The following GRAP2 variants were observed in gnomAD, a reference collection of about 807,000 sequenced individuals.
The protein encoded by GRAP2 is GRB2-related adapter protein 2.
GRAP2 carries 31 observed loss-of-function variants against 43.5 expected under a neutral mutation model. The observed-to-expected ratio is 0.71, with a 90% confidence interval of 0.54 to 0.96. The LOEUF (loss-of-function observed/expected upper bound fraction) is 0.96, where lower values mean the gene tolerates loss of function less well. Among genes scored for constraint, GRAP2 ranks in the 40% least tolerant of loss-of-function variants. The probability of loss-of-function intolerance (pLI) is 0.00; values close to 1 mark genes in which losing one functional copy is unlikely to be tolerated. For missense variants in GRAP2, 371 were observed against 424.4 expected (o/e 0.87, Z 1.11); for synonymous variants, 156 against 164.8 (o/e 0.95, Z 0.41).
At chr22:39,927,058 CT>C (rs1367219170) in intron 1 of GRAP2, among the ~76,000 whole-genome samples, 2 of 152,166 alleles carry the variant, frequency 1.3e-5, no homozygotes, top group Admixed American at 1.3e-4. Context: ...CAGAGAGAAA[CT>C]TGTCTCTTCT....
At chr22:39,932,166 A>G (rs567017533) in intron 1 of GRAP2, among the ~76,000 whole-genome samples, 1 of 152,310 alleles carries the variant, frequency 6.6e-6, no homozygotes, top group East Asian at 1.9e-4. Context: ...GAAAAGATCA[A>G]ACGAGTCCTT....
chr22:39,925,648 T>C (rs1426179455), intron 1 of GRAP2, among the ~76,000 whole-genome samples: 1 of 152,242 alleles, frequency 6.6e-6, no homozygotes, highest in Non-Finnish European at 1.5e-5. Flanking sequence ...GTCCAAATTC[T>C]GCTTTGAGGT....
intron 1 of GRAP2, among the ~76,000 whole-genome samples, chr22:39,911,512 T>C (rs2066566177): frequency 6.6e-6 from 1 of 152,018 alleles, no homozygotes; most frequent in Admixed American, 6.5e-5. Flanking sequence ...GCTTAGAAGT[T>C]CATAGATTTT....
At chr22:39,952,765 C>G (rs2066999803) in intron 2 of GRAP2, among the ~76,000 whole-genome samples, 1 of 152,194 alleles carries the variant, frequency 6.6e-6, no homozygotes, top group Non-Finnish European at 1.5e-5. Context: ...CTTCCATGTC[C>G]TATTCAGAGC....
chr22:39,940,733 T>C (rs151330750), intron 1 of GRAP2, among the ~76,000 whole-genome samples: 46 of 152,228 alleles, frequency 3.0e-4, no homozygotes, highest in African/African-American at 1.1e-3. Context: ...TCCAGGCTGC[T>C]CAGGAGGAAT....
chr22:39,938,683 G>A (rs767724320), intron 1 of GRAP2, among the ~76,000 whole-genome samples: 1 of 152,254 alleles, frequency 6.6e-6, no homozygotes, highest in Non-Finnish European at 1.5e-5. Context: ...CCACGCCTCG[G>A]TATCTCACTC....
chr22:39,962,945 A>C (rs556228164), intron 4 of GRAP2, among the ~76,000 whole-genome samples: 16 of 152,248 alleles, frequency 1.1e-4, no homozygotes, highest in Admixed American at 3.3e-4. Flanking sequence ...CTAGGATTAC[A>C]GGCGCGACCC....
At chr22:39,905,066 T>C (rs2066514420) in intron 1 of GRAP2, among the ~76,000 whole-genome samples, 1 of 152,186 alleles carries the variant, frequency 6.6e-6, no homozygotes, top group Admixed American at 6.5e-5. Flanking sequence ...TGATCAGGGC[T>C]TGAGGTAGTG....
intron 1 of GRAP2, among the ~76,000 whole-genome samples, chr22:39,918,366 A>T (rs1026823790): frequency 2.6e-5 from 4 of 152,166 alleles, no homozygotes; most frequent in Non-Finnish European, 5.9e-5. Context: ...AGTTCATTGC[A>T]GGGCACTTTA....
upstream of GRAP2, among the ~76,000 whole-genome samples, chr22:39,900,706 T>C (rs1401483481): frequency 6.6e-6 from 1 of 152,166 alleles, no homozygotes; most frequent in Non-Finnish European, 1.5e-5. Flanking sequence ...AGAGTAATAT[T>C]AGAGGCTGAG....
In GRAP2 at chr22:39,919,006, C is replaced by T. The variant is rs13056474; in HGVS notation, c.-15+17676C>T. Among the ~76,000 whole-genome samples the T allele has an allele frequency of 5.8e-3, 876 of 152,256 alleles. 6 individuals are homozygous for T. The highest frequency in any genetic ancestry group is 0.046 in the South Asian group (223 of 4,818). The stretch of plus-strand genomic sequence containing the variant: ...TTGACAATATCTGGGGGCTGGCTGC[C>T]GTGACTCATGCCTGTAATCCCAGCA... On this transcript the variant is annotated intron_variant, in intron 1 of 7. Transcript: ENST00000344138.
In GRAP2 at chr22:39,960,953, C is replaced by CTTTTTTT. The variant is rs138001; in HGVS notation, c.290+791_290+797dup. 2.3e-5 allele frequency: 3 copies of CTTTTTTT among 131,056 alleles called. 1 individual carries two copies. Among genetic ancestry groups the CTTTTTTT allele is most frequent in the Non-Finnish European group, 3.2e-5 (2 of 62,928 alleles). The allele number at this position is 131,056 out of a possible 1,614,324, so 8.1% of individuals were successfully genotyped here. On this transcript the variant is annotated intron_variant, in intron 4 of 7. Transcript: ENST00000344138. ...CTGAACAAGGCCTGTCCCAAGTCTT[C>CTTTTTTT]TTTTTTTTTTTTTTTTTTGGAGACA...
intron 1 of GRAP2, among the ~76,000 whole-genome samples, chr22:39,936,879 T>C (rs1280429213): frequency 6.6e-6 from 1 of 152,208 alleles, no homozygotes; most frequent in Non-Finnish European, 1.5e-5. Context: ...AGTAATGGGC[T>C]TGAATTTCCT....
At chr22:39,910,386 A>G (rs2066552135) in intron 1 of GRAP2, among the ~76,000 whole-genome samples, 1 of 152,040 alleles carries the variant, frequency 6.6e-6, no homozygotes. Context: ...CTACTAAGCC[A>G]GATCTTTCTT....
intron 2 of GRAP2, among the ~76,000 whole-genome samples, chr22:39,951,699 G>C (rs2066984239): frequency 6.6e-6 from 1 of 152,134 alleles, no homozygotes; most frequent in African/African-American, 2.4e-5. Flanking sequence ...GAACCGAACA[G>C]ATGGAGAGAT....
At chr22:39,960,427 G>A (rs961542953) in intron 4 of GRAP2, 2 of 439,620 alleles carry the variant, frequency 4.5e-6, no homozygotes, top group African/African-American at 3.9e-5. Flanking sequence ...TAGCCCAGGT[G>A]CTTCTGGAAG....
intron 1 of GRAP2, among the ~76,000 whole-genome samples, chr22:39,907,226 G>A (rs2066529291): frequency 6.6e-6 from 1 of 152,106 alleles, no homozygotes; most frequent in Non-Finnish European, 1.5e-5. Flanking sequence ...GGGGTGGGTG[G>A]GGGAAGGGGA....
upstream of GRAP2, among the ~76,000 whole-genome samples, chr22:39,899,366 C>T (rs183793873): frequency 1.7e-4 from 26 of 152,302 alleles, no homozygotes; most frequent in African/African-American, 6.3e-4. Flanking sequence ...TCCCACTCCC[C>T]AACCATAGAA....
At chr22:39,947,579 C>T (rs545008243) in intron 2 of GRAP2, 1 of 205,114 alleles carries the variant, frequency 4.9e-6, no homozygotes. Context: ...AGCTAAAGCT[C>T]AGAGATGTGC....
Sources: gnomAD v4.1 joint callset for allele counts (sites outside exome capture counted in the v4.1 genomes callset) on GRCh38, gnomAD v4.1.1 for gene constraint, MANE v1.5 for transcripts, NCBI Gene and HGNC (gene_info 2026-07-23, HGNC 2026-07-21) for gene names.